TEX30: variants seen among roughly 807,000 people sequenced by gnomAD.
TEX30 encodes testis-expressed protein 30.
TEX30 carries 14 observed loss-of-function variants against 23.8 expected under a neutral mutation model. The ratio of observed to expected loss-of-function variants is 0.59; its 90% CI spans 0.39 to 0.92. TEX30 has a LOEUF of 0.92. Among genes scored for constraint, TEX30 ranks in the 40% least tolerant of loss-of-function variants. The pLI, the probability that TEX30 is intolerant of heterozygous loss-of-function variation, is 0.00. For synonymous variants in TEX30, 78 were observed against 90.2 expected, an observed-to-expected ratio of 0.87 and a Z score of 0.76; for missense variants, 246 against 270.6, an observed-to-expected ratio of 0.91 and a Z score of 0.64.
chr13:102,769,698 G>GC, intron 2 of TEX30, 157 bp from the exon 3 acceptor site: 1 of 581,898 alleles, frequency 1.7e-6, no homozygotes, highest in Non-Finnish European at 3.0e-6. Flanking sequence ...AGTGCTTACT[G>GC]TGTCGGGTAT....
intron 1 of TEX30, 167 bp from the exon 2 acceptor site, chr13:102,770,253 G>A (rs1000266447): frequency 8.2e-6 from 3 of 365,292 alleles, no homozygotes; most frequent in Admixed American, 4.6e-5. Context: ...TTGGTTAGAG[G>A]GCCAGGTGCA....
rs532375202 is a variant in TEX30 at position 102,766,560 on chromosome 13, T to C, written c.525A>G (p.Ala175=). 7.4e-6 allele frequency: 12 copies of C among 1,613,268 alleles called. No homozygotes were observed. In the African/African-American group the frequency reaches 1.1e-4, roughly 14 times the overall value. The part of the protein sequence containing the change: ...MCEKNLLEKV[A]QKMQAPHKIH... ...TTTTATGGGGAGCTTGCATTTTCTG[T>C]GCCACTTTCTCCAACAAGTTCTAAA... Residue 175 remains alanine (A), a synonymous_variant, in exon 6 of 6, where the codon GCA becomes GCG. Coordinates refer to ENST00000376032, the MANE Select transcript of TEX30 (RefSeq NM_138779.5).
rs1466997702 is a variant in TEX30 at position 102,766,561 on chromosome 13, G to C, written c.524C>G (p.Ala175Gly). 9 of 1,612,614 alleles carry C rather than the reference G, an allele frequency of 5.6e-6. No individual in the cohort carries two copies. The highest frequency in any genetic ancestry group is 7.6e-6 in the Non-Finnish European group (9 of 1,179,396). Reference protein sequence around the residue: ...MCEKNLLEKVAQKMQAPHKIH... With the variant: ...MCEKNLLEKVGQKMQAPHKIH... Reference sequence around the variant, plus strand: ...TTTATGGGGAGCTTGCATTTTCTGTGCCACTTTCTCCAACAAGTTCTAAAG... The same window carrying C: ...TTTATGGGGAGCTTGCATTTTCTGTCCCACTTTCTCCAACAAGTTCTAAAG... Residue 175 changes from alanine to glycine, a missense_variant, in exon 6 of 6, where the codon GCA becomes GGA. Coordinates refer to ENST00000376032, the MANE Select transcript of TEX30 (RefSeq NM_138779.5).
At chr13:102,769,956 T>TAAAAA (rs1877201800) in intron 2 of TEX30, 56 bp downstream of exon 2, 1 of 1,369,480 alleles carries the variant, frequency 7.3e-7, no homozygotes, top group Non-Finnish European at 9.5e-7. Context: ...GCCACATAAT[T>TAAAAA]ACAAACAAAC....
At chr13:102,773,621 TC>T (rs2139059870) in intron 1 of TEX30, 60 bp downstream of exon 1, 1 of 151,934 alleles carries the variant, frequency 6.6e-6, no homozygotes, top group Admixed American at 6.5e-5. Flanking sequence ...CCGGGTGCTC[TC>T]CCCGTCTCCC....
intron 1 of TEX30, among the ~76,000 whole-genome samples, chr13:102,772,966 G>A (rs1204887975): frequency 6.6e-6 from 1 of 152,238 alleles, no homozygotes; most frequent in East Asian, 1.9e-4. Flanking sequence ...GAAGATGACC[G>A]GCTAGAGGTG....
chr13:102,771,232 T>C (rs571714279), intron 1 of TEX30, among the ~76,000 whole-genome samples: 21 of 152,320 alleles, frequency 1.4e-4, no homozygotes, highest in African/African-American at 3.6e-4. Flanking sequence ...TTTTACAGAA[T>C]TTTTTCATAG....
chr13:102,767,318 C>A lies in TEX30; in HGVS notation c.459G>T (p.Glu153Asp), dbSNP rs760097828. The change falls in exon 5 of 6, where the codon GAG becomes GAT. Residue 153 changes from glutamate to aspartate, a missense_variant. Physicochemically the swap from Glu to Asp is conservative, Grantham distance 45 (BLOSUM62 2). Coordinates refer to ENST00000376032, the MANE Select transcript of TEX30 (RefSeq NM_138779.5). ...CTGAGCCTGACACAAACAGTACAGG[C>A]TCTTTTAAACGAAAGAGGTCTTCAT... ...LRDEDLFRLKEPVLFVSGSAD... is the reference protein window; with the variant it reads ...LRDEDLFRLKDPVLFVSGSAD... The A allele has an allele frequency of 1.2e-5, 20 of 1,613,916 alleles. No individual in the cohort carries two copies. In the African/African-American group the frequency reaches 2.3e-4, roughly 18 times the overall value.
At chr13:102,769,879 C>T (rs867431415) in intron 2 of TEX30, 133 bp downstream of exon 2, 4 of 764,480 alleles carry the variant, frequency 5.2e-6, no homozygotes, top group Non-Finnish European at 7.6e-6. Flanking sequence ...GCTCTAGATT[C>T]CTCGCTCTTA....
intron 2 of TEX30, 97 bp downstream of exon 2, chr13:102,769,915 C>T: frequency 9.2e-7 from 1 of 1,086,678 alleles, no homozygotes; most frequent in Non-Finnish European, 1.2e-6. Context: ...CTGCCTCCCA[C>T]AGTGAAAGTT....
chr13:102,768,397 A>T, intron 3 of TEX30, 86 bp from the exon 4 acceptor site: 2 of 928,520 alleles, frequency 2.2e-6, no homozygotes, highest in Non-Finnish European at 3.2e-6. Flanking sequence ...TCATTACTGA[A>T]ATGTATGAAA....
intron 1 of TEX30, 194 bp from the exon 2 acceptor site, chr13:102,770,280 T>C (rs1024161835): frequency 2.4e-5 from 8 of 327,176 alleles, no homozygotes; most frequent in African/African-American, 6.4e-5. Flanking sequence ...GTAGATGTTA[T>C]AGAAGATAAA....
rs965056147 is a variant in TEX30, at chr13:102,769,353, G to C, written c.204C>G (p.Gly68=). 2 of 1,595,652 alleles carry C rather than the reference G, an allele frequency of 1.3e-6. No individual in the cohort carries two copies. Among genetic ancestry groups the C allele is most frequent in the African/African-American group, 1.4e-5 (1 of 73,750 alleles). ...GFFCLRFTCK[G]LNIVHRIKAY... ...CCTTAATTCTATGTACAATATTAAG[G>C]CCTTTACAGGTAAATCTCAGGCAGA... Residue 68 remains glycine (G), a synonymous_variant, in exon 3 of 6, where the codon GGC becomes GGG. Coordinates refer to ENST00000376032, the MANE Select transcript of TEX30 (RefSeq NM_138779.5).
At chr13:102,772,835 G>A (rs1377067987) in intron 1 of TEX30, among the ~76,000 whole-genome samples, 1 of 152,242 alleles carries the variant, frequency 6.6e-6, no homozygotes, top group East Asian at 1.9e-4. Flanking sequence ...CCATGGTGCT[G>A]GGGTCAGGCG....
At position 102,770,035 on chromosome 13, in the gene TEX30, T is replaced by C. The variant is rs775623165; in HGVS notation, c.-9A>G. ...ACCTCTGTATGACTCATTTTCACTGTTGAATAACAAACTTAAAGTGCATTT... is the reference window on the plus strand; with the variant it reads ...ACCTCTGTATGACTCATTTTCACTGCTGAATAACAAACTTAAAGTGCATTT... On this transcript the variant is annotated 5_prime_UTR_variant, in exon 2 of 6. Transcript: ENST00000376032. 2.8e-6 allele frequency: 4 copies of C among 1,418,772 alleles called. No homozygotes were observed. Among genetic ancestry groups the C allele is most frequent in the Admixed American group, 2.8e-5 (1 of 35,458 alleles). The allele number at this position is 1,418,772 out of a possible 1,614,324, so 87.9% of individuals were successfully genotyped here. A position where few individuals can be genotyped will look rare whatever the true frequency, so the allele number is the denominator to read the frequency against.
At chr13:102,771,810 T>C (rs1877341138) in intron 1 of TEX30, among the ~76,000 whole-genome samples, 1 of 152,194 alleles carries the variant, frequency 6.6e-6, no homozygotes. Context: ...GATCTGGATA[T>C]CCAATTGCTT....
chr13:102,767,316 G>A lies in TEX30; in HGVS notation c.461C>T (p.Pro154Leu). 2 of 1,613,960 alleles carry A rather than the reference G, an allele frequency of 1.2e-6. No homozygotes were observed. The highest frequency in any genetic ancestry group is 1.7e-6 in the Non-Finnish European group (2 of 1,180,018). The change falls in exon 5 of 6, where the codon CCT (proline) becomes CTT (leucine). Residue 154 changes from proline (P) to leucine (L), a missense_variant. Pro to Leu is a moderately conservative substitution (Grantham distance 98). Transcript: ENST00000376032. Reference sequence around the variant, plus strand: ...TGCTGAGCCTGACACAAACAGTACAGGCTCTTTTAAACGAAAGAGGTCTTC... The same window carrying A: ...TGCTGAGCCTGACACAAACAGTACAAGCTCTTTTAAACGAAAGAGGTCTTC... ...RDEDLFRLKE[P>L]VLFVSGSADE...
At chr13:102,772,385 G>A (rs1877388601) in intron 1 of TEX30, among the ~76,000 whole-genome samples, 1 of 152,124 alleles carries the variant, frequency 6.6e-6, no homozygotes, top group Non-Finnish European at 1.5e-5. Context: ...GGGCTCAAGC[G>A]ATACCCCCTG....
intron 2 of TEX30, 84 bp from the exon 3 acceptor site, chr13:102,769,625 T>A: frequency 2.5e-6 from 2 of 801,982 alleles, no homozygotes; most frequent in Non-Finnish European, 4.0e-6. Flanking sequence ...GTTTGCTCTG[T>A]GAGGCTCATA....
Sources: allele counts gnomAD v4.1 joint callset (sites outside exome capture counted in the v4.1 genomes callset), GRCh38; gene constraint gnomAD v4.1.1; transcripts MANE v1.5; gene names NCBI Gene and HGNC (gene_info 2026-07-23, HGNC 2026-07-21).